HPSE2: variants seen among roughly 807,000 people sequenced by gnomAD.
HPSE2 encodes heparanase 2 (inactive).
In HPSE2, 38 loss-of-function variants were observed where a neutral mutation model predicts 60.5. The observed-to-expected ratio is 0.63, with a 90% confidence interval of 0.48 to 0.82. The LOEUF is 0.82. Among genes scored for constraint, HPSE2 ranks in the 40% least tolerant of loss-of-function variants. HPSE2 has a pLI of 0.00. For missense variants in HPSE2, 713 were observed against 740.4 expected (o/e 0.96, Z 0.43); for synonymous variants, 295 against 293.2 (o/e 1.01, Z -0.06).
chr10:98,634,945 AT>A (rs1025095258), intron 7 of HPSE2, among the ~76,000 whole-genome samples: 2 of 152,118 alleles, frequency 1.3e-5, no homozygotes, highest in African/African-American at 4.8e-5. Flanking sequence ...GACTTCCCTG[AT>A]TTCCTTTCCC....
At chr10:99,088,393 T>C (rs1302382776) in intron 3 of HPSE2, among the ~76,000 whole-genome samples, 1 of 152,144 alleles carries the variant, frequency 6.6e-6, no homozygotes, top group African/African-American at 2.4e-5. Flanking sequence ...CCAAAGTCCA[T>C]TGTATCATTC....
At chr10:98,653,009 T>C (rs371094393) in intron 6 of HPSE2, among the ~76,000 whole-genome samples, 16 of 152,316 alleles carry the variant, frequency 1.1e-4, no homozygotes, top group African/African-American at 3.6e-4. Context: ...ACTAATTGGA[T>C]TCTACCAGTT....
intron 2 of HPSE2, among the ~76,000 whole-genome samples, chr10:99,201,408 C>T (rs1477188895): frequency 6.6e-6 from 1 of 152,102 alleles, no homozygotes; most frequent in Non-Finnish European, 1.5e-5. Flanking sequence ...CTGTGAGGAG[C>T]CATGAGATAA....
intron 3 of HPSE2, among the ~76,000 whole-genome samples, chr10:98,966,335 A>G (rs1955813791): frequency 6.6e-6 from 1 of 152,168 alleles, no homozygotes; most frequent in Non-Finnish European, 1.5e-5. Flanking sequence ...TAGTTTTGCA[A>G]AATAAAGGAG....
intron 8 of HPSE2, among the ~76,000 whole-genome samples, chr10:98,615,535 G>A (rs536757410): frequency 6.6e-6 from 1 of 152,264 alleles, no homozygotes; most frequent in South Asian, 2.1e-4. Context: ...ATCACTGTCA[G>A]TAGTCAATGC....
At chr10:99,161,880 A>G (rs2133772272) in intron 2 of HPSE2, among the ~76,000 whole-genome samples, 1 of 152,336 alleles carries the variant, frequency 6.6e-6, no homozygotes, top group East Asian at 1.9e-4. Flanking sequence ...GTCATATGCT[A>G]CAATGTGGAT....
rs895289049 is a variant in HPSE2 at position 98,599,535 on chromosome 10, G to C, written c.1320+15369C>G. Among the ~76,000 whole-genome samples, 5 of 152,258 alleles carry C rather than the reference G, an allele frequency of 3.3e-5. No individual in the cohort carries two copies. In the East Asian group the frequency reaches 9.7e-4, roughly 29 times the overall value. Reference sequence around the variant, plus strand: ...CTCAGTCTGTAGGTACTGGCCTGGAGTCTGGTCCCATGGGGGCCTGACCAG... The same window carrying C: ...CTCAGTCTGTAGGTACTGGCCTGGACTCTGGTCCCATGGGGGCCTGACCAG... On this transcript the variant is annotated intron_variant, in intron 9 of 11. Transcript: ENST00000370552.
chr10:99,034,172 T>C (rs1180913897), intron 3 of HPSE2, among the ~76,000 whole-genome samples: 2 of 152,164 alleles, frequency 1.3e-5, no homozygotes, highest in Non-Finnish European at 2.9e-5. Context: ...CTATGATTTA[T>C]GCAACAACAT....
At chr10:98,954,595 T>C (rs1403129439) in intron 3 of HPSE2, among the ~76,000 whole-genome samples, 4 of 152,204 alleles carry the variant, frequency 2.6e-5, no homozygotes, top group African/African-American at 9.6e-5. Context: ...ATTTTTAATG[T>C]GTTTTTCTTT....
intron 3 of HPSE2, among the ~76,000 whole-genome samples, chr10:99,127,248 A>G (rs1343322698): frequency 6.6e-6 from 1 of 152,192 alleles, no homozygotes; most frequent in Non-Finnish European, 1.5e-5. Flanking sequence ...TGAAAAGAAC[A>G]ATATGGAATA....
At chr10:98,715,475 G>T (rs1004256448) in intron 5 of HPSE2, among the ~76,000 whole-genome samples, 2 of 151,488 alleles carry the variant, frequency 1.3e-5, no homozygotes, top group South Asian at 2.1e-4. Flanking sequence ...ATTTATCTTG[G>T]TTTTTTTCTT....
intron 3 of HPSE2, among the ~76,000 whole-genome samples, chr10:98,927,090 G>A (rs890313249): frequency 6.8e-6 from 1 of 146,030 alleles, no homozygotes; most frequent in Admixed American, 6.8e-5. Flanking sequence ...TGTTGATTTG[G>A]GGTGGAGAGC....
At chr10:98,587,121 C>T (rs1944961149) in intron 9 of HPSE2, among the ~76,000 whole-genome samples, 1 of 152,152 alleles carries the variant, frequency 6.6e-6, no homozygotes, top group Non-Finnish European at 1.5e-5. Context: ...TATCATCCTT[C>T]AAGGCATGGA....
intron 2 of HPSE2, among the ~76,000 whole-genome samples, chr10:99,163,063 TA>T (rs1456658152): frequency 6.6e-6 from 1 of 151,998 alleles, no homozygotes; most frequent in African/African-American, 2.4e-5. Context: ...CCAAAAAAGT[TA>T]GCCAGGCATG....
In HPSE2 at chr10:98,754,602, T is replaced by C. The variant is rs566194753; in HGVS notation, c.611-10546A>G. 7.3e-5 allele frequency among the ~76,000 whole-genome samples: 11 copies of C among 150,494 alleles called. No individual in the cohort carries two copies. The South Asian group carries it at 2.3e-3, about 32-fold the overall frequency. On this transcript the variant is annotated intron_variant, in intron 3 of 11. Coordinates refer to ENST00000370552, the MANE Select transcript of HPSE2 (RefSeq NM_021828.5). Reference sequence around the variant, plus strand: ...TGTGAAAAAAAATATTAAAAGCAGCTAGAGAGAAGGGGCAGGTCACCTACA... The same window carrying C: ...TGTGAAAAAAAATATTAAAAGCAGCCAGAGAGAAGGGGCAGGTCACCTACA...
chr10:98,475,789 C>T (rs1277111533), intron 11 of HPSE2, among the ~76,000 whole-genome samples: 1 of 152,126 alleles, frequency 6.6e-6, no homozygotes, highest in African/African-American at 2.4e-5. Context: ...TGTGCTTTTA[C>T]TAGAATTCTG....
At chr10:98,600,867 GTATATA>G (rs1199889250) in intron 9 of HPSE2, among the ~76,000 whole-genome samples, 1 of 79,258 alleles carries the variant, frequency 1.3e-5, no homozygotes, top group South Asian at 4.6e-4. Context: ...ATATATATAC[GTATATA>G]TGTATATATA....
chr10:98,471,548 T>C (rs1940780790), intron 11 of HPSE2, among the ~76,000 whole-genome samples: 1 of 152,172 alleles, frequency 6.6e-6, no homozygotes, highest in Non-Finnish European at 1.5e-5. Flanking sequence ...CATTTTTTTT[T>C]AACCTAAAAG....
the HPSE2 span, among the ~76,000 whole-genome samples, chr10:99,283,919 A>G: frequency 1.3e-5 from 2 of 152,174 alleles, no homozygotes; most frequent in African/African-American, 4.8e-5. Flanking sequence ...CCAGAACTGG[A>G]TGACTTCACT....
Sources: gnomAD v4.1 joint callset for allele counts (sites outside exome capture counted in the v4.1 genomes callset) on GRCh38, gnomAD v4.1.1 for gene constraint, MANE v1.5 for transcripts, NCBI Gene and HGNC (gene_info 2026-07-23, HGNC 2026-07-21) for gene names.